CDH13: variants seen among roughly 807,000 people sequenced by gnomAD.
CDH13 encodes the protein cadherin 13, also known as cadherin-13.
Under a neutral mutation model 63.8 loss-of-function variants are expected in CDH13, and 24 were observed. The observed-to-expected ratio is 0.38, with a 90% CI of 0.27 to 0.53. The LOEUF (loss-of-function observed/expected upper bound fraction) is 0.53. Ranked by LOEUF, CDH13 falls within the 20% of genes least tolerant of loss-of-function variation. The pLI is 0.85. For missense variants in CDH13, 1,049 were observed against 903.1 expected (o/e 1.16, Z -2.07); for synonymous variants, 503 against 355.3 (o/e 1.42, Z -4.67).
chr16:82,914,716 A>C (rs1158836796), intron 2 of CDH13, among the ~76,000 whole-genome samples: 3 of 152,228 alleles, frequency 2.0e-5, no homozygotes, highest in Non-Finnish European at 2.9e-5. Context: ...GGTGAAATGG[A>C]ACACGGCTGT....
At chr16:83,139,953 G>T (rs974638573) in intron 4 of CDH13, among the ~76,000 whole-genome samples, 15 of 152,182 alleles carry the variant, frequency 9.9e-5, no homozygotes, top group Non-Finnish European at 1.5e-4. Context: ...GGTGAGCCAA[G>T]ATCATACCAT....
intron 2 of CDH13, among the ~76,000 whole-genome samples, chr16:82,988,729 T>C (rs1226104535): frequency 1.4e-5 from 2 of 144,772 alleles, no homozygotes; most frequent in Admixed American, 7.1e-5. Flanking sequence ...ACCACTGCAC[T>C]CCAGCCTGGG....
At chr16:83,142,160 G>T (rs77093319) in intron 4 of CDH13, among the ~76,000 whole-genome samples, 4,261 of 120,234 alleles carry the variant, frequency 0.035, 219 homozygotes, top group African/African-American at 0.12. Context: ...GTTTGTTTTT[G>T]TTTTTTTTTT....
At chr16:83,657,320 T>A (rs1912956995) in intron 8 of CDH13, among the ~76,000 whole-genome samples, 1 of 152,188 alleles carries the variant, frequency 6.6e-6, no homozygotes. Context: ...AGTGACATTA[T>A]GAGGTCAAAC....
chr16:82,945,236 G>C (rs1405644071), intron 2 of CDH13, among the ~76,000 whole-genome samples: 1 of 152,164 alleles, frequency 6.6e-6, no homozygotes, highest in East Asian at 1.9e-4. Context: ...TCACTCAACT[G>C]TGCCCGTGTA....
At position 83,730,801 on chromosome 16, in the gene CDH13, C is replaced by G. The variant is rs934523558; in HGVS notation, c.1539-17307C>G. On this transcript the variant is annotated intron_variant, in intron 10 of 13. Coordinates refer to ENST00000567109, the MANE Select transcript of CDH13 (RefSeq NM_001257.5). ...GCATAGTACCCGATAGTTTTCAACC[C>G]TTACACCCCTTCCATGCTCCCCCTT... Among the ~76,000 whole-genome samples, 6 of 152,168 alleles carry G rather than the reference C, an allele frequency of 3.9e-5. No homozygotes were observed. The South Asian group carries it at 8.3e-4, about 21-fold the overall frequency.
In CDH13 at chr16:83,102,911, CT is replaced by C. The variant is rs140557578; in HGVS notation, c.367-22462del. Among the ~76,000 whole-genome samples the C allele has an allele frequency of 9.7e-4, 94 of 96,578 alleles. 1 individual carries two copies. The highest frequency in any genetic ancestry group is 4.8e-3 in the East Asian group (16 of 3,300). The allele number at this position is 96,578 out of a possible 152,430, so 63.4% of individuals were successfully genotyped here. A position where few individuals can be genotyped will look rare whatever the true frequency, so the allele number is the denominator to read the frequency against. On this transcript the variant is annotated intron_variant, in intron 3 of 13. Coordinates refer to ENST00000567109, the MANE Select transcript of CDH13 (RefSeq NM_001257.5). ...AAAATTCCTTTGCTAATTAAACTTT[CT>C]TTTTTTTTTTTCTTTTTCTTTTTTT...
chr16:83,529,866 T>A (rs1227561904), intron 7 of CDH13, among the ~76,000 whole-genome samples: 2 of 152,250 alleles, frequency 1.3e-5, no homozygotes. Context: ...ACATTTCTGT[T>A]ATTTTCATAT....
intron 2 of CDH13, among the ~76,000 whole-genome samples, chr16:82,935,973 G>A (rs1360407292): frequency 6.6e-6 from 1 of 152,144 alleles, no homozygotes; most frequent in Non-Finnish European, 1.5e-5. Flanking sequence ...TGTCTGATTT[G>A]CATAGTGCTC....
rs1404987107 is a variant in CDH13 at position 83,798,706 on chromosome 16, A to T, written c.*3676A>T. On this transcript the variant is annotated 3_prime_UTR_variant, in exon 14 of 14. Transcript: ENST00000567109. ...TGCAGACCGGAAGACCCTCGTTTGA[A>T]GCCTCCATTAGCGTGACTATGCAGC... 1 of 152,176 alleles carries T rather than the reference A, an allele frequency of 6.6e-6. No homozygotes were observed. The highest frequency in any genetic ancestry group is 1.5e-5 in the Non-Finnish European group (1 of 68,052). The allele number at this position is 152,176 out of a possible 1,614,324, so 9.4% of individuals were successfully genotyped here. A position where few individuals can be genotyped will look rare whatever the true frequency, so the allele number is the denominator to read the frequency against.
chr16:83,440,931 C>T (rs1412994343), intron 6 of CDH13, among the ~76,000 whole-genome samples: 2 of 152,074 alleles, frequency 1.3e-5, no homozygotes, highest in Non-Finnish European at 2.9e-5. Flanking sequence ...GGAGGGTAGA[C>T]ATTCTGGAGA....
At chr16:82,733,136 G>C (rs1199896472) in intron 1 of CDH13, among the ~76,000 whole-genome samples, 1 of 152,162 alleles carries the variant, frequency 6.6e-6, no homozygotes, top group Admixed American at 6.5e-5. Context: ...CTATCCAACT[G>C]GATGCCCTCA....
At chr16:83,737,073 G>T (rs969074157) in intron 10 of CDH13, among the ~76,000 whole-genome samples, 2 of 152,184 alleles carry the variant, frequency 1.3e-5, no homozygotes, top group Non-Finnish European at 2.9e-5. Context: ...TCAAAACAGT[G>T]GTTCTTAGGC....
intron 5 of CDH13, among the ~76,000 whole-genome samples, chr16:83,304,906 A>G (rs890615067): frequency 1.3e-5 from 2 of 152,064 alleles, no homozygotes; most frequent in Non-Finnish European, 2.9e-5. Flanking sequence ...GTAGTTTATT[A>G]AGTCTTTAAG....
intron 11 of CDH13, among the ~76,000 whole-genome samples, chr16:83,750,155 G>T (rs969010956): frequency 1.3e-5 from 2 of 152,050 alleles, no homozygotes; most frequent in East Asian, 3.9e-4. Flanking sequence ...AATGAGCTGG[G>T]CATGGTGGCA....
intron 3 of CDH13, among the ~76,000 whole-genome samples, chr16:83,116,659 T>G (rs944441127): frequency 6.6e-6 from 1 of 152,252 alleles, no homozygotes; most frequent in African/African-American, 2.4e-5. Flanking sequence ...TGAGGTTTCA[T>G]TTAAGGGTGA....
chr16:83,390,850 G>A (rs2091772169), intron 6 of CDH13, among the ~76,000 whole-genome samples: 1 of 152,206 alleles, frequency 6.6e-6, no homozygotes, highest in Admixed American at 6.5e-5. Context: ...CTCAGGGGAA[G>A]ATTTGCTGTC....
At chr16:83,027,110 C>CT (rs1340398745) in intron 2 of CDH13, among the ~76,000 whole-genome samples, 3 of 143,706 alleles carry the variant, frequency 2.1e-5, no homozygotes, top group Non-Finnish European at 4.6e-5. Context: ...AGACCCCCCC[C>CT]CCCCACCGCC....
At chr16:83,343,775 C>G (rs562682122) in intron 5 of CDH13, among the ~76,000 whole-genome samples, 34 of 152,266 alleles carry the variant, frequency 2.2e-4, no homozygotes, top group African/African-American at 7.7e-4. Context: ...AAAGTGAGCT[C>G]TGGAGGCAGA....
Sources: allele counts gnomAD v4.1 joint callset (sites outside exome capture counted in the v4.1 genomes callset), GRCh38; gene constraint gnomAD v4.1.1; transcripts MANE v1.5; gene names NCBI Gene and HGNC (gene_info 2026-07-23, HGNC 2026-07-21).